MATN2: variants seen among roughly 807,000 people sequenced by gnomAD.
MATN2 encodes the protein matrilin-2.
A neutral mutation model predicts 103.2 loss-of-function variants in MATN2; 69 were observed. The ratio of observed to expected loss-of-function variants is 0.67; its 90% CI spans 0.55 to 0.82. MATN2 has a LOEUF of 0.82. Ranked by LOEUF, MATN2 falls within the 40% of genes least tolerant of loss-of-function variation. MATN2 has a pLI of 0.00. For missense variants in MATN2, 1,023 were observed against 1,211.5 expected, an observed-to-expected ratio of 0.84 and a Z score of 2.31; for synonymous variants, 429 against 450.2, an observed-to-expected ratio of 0.95 and a Z score of 0.60.
At chr8:97,927,104 G>A (rs1216406721) in intron 2 of MATN2, among the ~76,000 whole-genome samples, 1 of 151,030 alleles carries the variant, frequency 6.6e-6, no homozygotes, top group Non-Finnish European at 1.5e-5. Context: ...GTGGTGCACT[G>A]GTCTTAGTTT....
chr8:97,978,964 G>A lies in MATN2; in HGVS notation c.1037G>A (p.Cys346Tyr). Reference sequence around the variant, plus strand: ...GCTGATGGCTCCTACCTTTGCCAGTGCCATGAAGGATTTGCTCTTAACCCA... The same window carrying A: ...GCTGATGGCTCCTACCTTTGCCAGTACCATGAAGGATTTGCTCTTAACCCA... The part of the protein sequence containing the change: ...VNADGSYLCQ[C>Y]HEGFALNPDK... Residue 346 changes from cysteine to tyrosine, a missense_variant, in exon 6 of 19, where the codon TGC becomes TAC. Transcript: ENST00000254898. 6.2e-7 allele frequency: 1 copy of A among 1,613,516 alleles called. No individual in the cohort carries two copies. Among genetic ancestry groups the A allele is most frequent in the Non-Finnish European group, 8.5e-7 (1 of 1,179,626 alleles).
chr8:97,944,584 C>A lies in MATN2; in HGVS notation c.835+2685C>A, dbSNP rs148108722. On this transcript the variant is annotated intron_variant, in intron 4 of 18. Coordinates refer to ENST00000254898, the MANE Select transcript of MATN2 (RefSeq NM_002380.5). ...CCAACTATGGCTGTCTCACTCTGAG[C>A]TGGTTATTTAAACTTCTTGACTCTC... Among the ~76,000 whole-genome samples, 1,259 of 152,316 alleles carry A rather than the reference C, an allele frequency of 8.3e-3. 9 individuals are homozygous for A. Among genetic ancestry groups the A allele is most frequent in the Admixed American group, 0.015 (230 of 15,298 alleles).
At chr8:97,940,937 T>G (rs1179359674) in intron 3 of MATN2, among the ~76,000 whole-genome samples, 1 of 151,672 alleles carries the variant, frequency 6.6e-6, no homozygotes, top group Non-Finnish European at 1.5e-5. Flanking sequence ...ACTGGGAGGA[T>G]TGCTTGAGCC....
chr8:97,887,949 C>A (rs540698859), intron 1 of MATN2, 126 bp from the exon 2 acceptor site: 2 of 843,500 alleles, frequency 2.4e-6, no homozygotes, highest in Non-Finnish European at 3.5e-6. Flanking sequence ...AACACACAAA[C>A]GGCATTTTGA....
intron 2 of MATN2, among the ~76,000 whole-genome samples, chr8:97,893,678 G>C (rs1221756450): frequency 6.6e-6 from 1 of 152,084 alleles, no homozygotes; most frequent in East Asian, 1.9e-4. Flanking sequence ...CCAGGTTCAA[G>C]TGATTCTCCT....
At chr8:97,998,897 G>T (rs978038775) in intron 7 of MATN2, among the ~76,000 whole-genome samples, 2 of 152,008 alleles carry the variant, frequency 1.3e-5, no homozygotes, top group Non-Finnish European at 2.9e-5. Context: ...TAGTCCAGTG[G>T]TATTAAGCAC....
At chr8:98,013,230 C>T (rs1196542674) in intron 10 of MATN2, among the ~76,000 whole-genome samples, 1 of 152,212 alleles carries the variant, frequency 6.6e-6, no homozygotes, top group African/African-American at 2.4e-5. Flanking sequence ...TCTCTAATTT[C>T]CCATCCACGG....
intron 5 of MATN2, among the ~76,000 whole-genome samples, chr8:97,967,816 C>T (rs901086705): frequency 6.6e-6 from 1 of 152,248 alleles, no homozygotes; most frequent in Non-Finnish European, 1.5e-5. Flanking sequence ...TGGCCCCCTT[C>T]TCACAGCTCC....
rs181915642 is a variant in MATN2, at chr8:97,976,259, C to T, written c.959-2627C>T. ...GAGTAGCTGGGATTACAGGCACCTGCCACCATGCCCAGCTATTTTTTGTAT... is the reference window on the plus strand; with the variant it reads ...GAGTAGCTGGGATTACAGGCACCTGTCACCATGCCCAGCTATTTTTTGTAT... On this transcript the variant is annotated intron_variant, in intron 5 of 18. Transcript: ENST00000254898. 1.5e-3 allele frequency among the ~76,000 whole-genome samples: 226 copies of T among 152,124 alleles called. 1 individual carries two copies. Among genetic ancestry groups the T allele is most frequent in the African/African-American group, 5.2e-3 (217 of 41,510 alleles).
At chr8:97,912,288 T>C (rs1182507547) in intron 2 of MATN2, among the ~76,000 whole-genome samples, 1 of 152,220 alleles carries the variant, frequency 6.6e-6, no homozygotes, top group Non-Finnish European at 1.5e-5. Context: ...AGAAAGACTA[T>C]TTGCAGAAGA....
At chr8:98,001,499 C>T (rs1302636166) in intron 7 of MATN2, among the ~76,000 whole-genome samples, 2 of 137,456 alleles carry the variant, frequency 1.5e-5, no homozygotes, top group Non-Finnish European at 3.0e-5. Context: ...GAGTCTCACT[C>T]TGTTGCCCAG....
Position 97,978,771 on chromosome 8 carries a change from T to C in MATN2, c.959-115T>C, listed in dbSNP as rs943497080. The C allele has an allele frequency of 1.9e-4, 197 of 1,020,148 alleles. 2 individuals carry two copies. The highest frequency in any genetic ancestry group is 1.6e-3 in the South Asian group (113 of 71,534). The allele number at this position is 1,020,148 out of a possible 1,614,324, so 63.2% of individuals were successfully genotyped here. ...GTTCATAACTGTTTATCCTACTCTTTTGGGGGGCAATAATATTAATCCTAA... is the reference window on the plus strand; with the variant it reads ...GTTCATAACTGTTTATCCTACTCTTCTGGGGGGCAATAATATTAATCCTAA... On this transcript the variant is annotated intron_variant, in intron 5 of 18. Coordinates refer to ENST00000254898, the MANE Select transcript of MATN2 (RefSeq NM_002380.5).
Position 98,033,111 on chromosome 8 carries a change from A to G in MATN2, c.2651A>G (p.Tyr884Cys). ...TCTAATTTTGCAGTGCAACACAGATATCTGTTTGAAGAAGACAATCTTTTA... is the reference window on the plus strand; with the variant it reads ...TCTAATTTTGCAGTGCAACACAGATGTCTGTTTGAAGAAGACAATCTTTTA... ...SCSNFAVQHR[Y>C]LFEEDNLLRS... The change falls in exon 17 of 19, where the codon TAT becomes TGT. Residue 884 changes from tyrosine to cysteine, a missense_variant. Transcript: ENST00000254898. 6.2e-7 allele frequency: 1 copy of G among 1,611,708 alleles called. No individual in the cohort carries two copies. Among genetic ancestry groups the G allele is most frequent in the Non-Finnish European group, 8.5e-7 (1 of 1,178,808 alleles).
chr8:98,030,749 G>A (rs1813985522), intron 15 of MATN2, 135 bp downstream of exon 15: 15 of 764,850 alleles, frequency 2.0e-5, no homozygotes, highest in Non-Finnish European at 3.0e-5. Context: ...TACAACCTCC[G>A]CCTCCTGGGT....
chr8:97,994,029 T>TAGA, intron 6 of MATN2, among the ~76,000 whole-genome samples: 1 of 74,546 alleles, frequency 1.3e-5, no homozygotes, highest in East Asian at 3.2e-4. Flanking sequence ...ATAATAATAA[T>TAGA]AGAAGAAGAA....
Position 98,035,765 on chromosome 8 carries a change from C to T in MATN2, c.*53C>T, listed in dbSNP as rs375294399. The T allele has an allele frequency of 1.3e-4, 150 of 1,191,762 alleles. No individual in the cohort carries two copies. The African/African-American group carries it at 1.9e-3, about 15-fold the overall frequency. The allele number at this position is 1,191,762 out of a possible 1,614,324, so 73.8% of individuals were successfully genotyped here. ...TCATTGTATCACGGATTACAATGAA[C>T]GCAGTGCAGAGCCCCAAAGCTCAGG... On this transcript the variant is annotated 3_prime_UTR_variant, in exon 19 of 19. Transcript: ENST00000254898.
At chr8:97,955,657 A>G (rs1277728139) in intron 4 of MATN2, among the ~76,000 whole-genome samples, 1 of 152,214 alleles carries the variant, frequency 6.6e-6, no homozygotes, top group African/African-American at 2.4e-5. Context: ...TGTGAAGTGC[A>G]TGGCATTATA....
chr8:98,015,854 C>T (rs1813341136), intron 10 of MATN2, among the ~76,000 whole-genome samples: 1 of 152,180 alleles, frequency 6.6e-6, no homozygotes, highest in African/African-American at 2.4e-5. Flanking sequence ...GTGCCTGGCT[C>T]ATTGCAGGGA....
At chr8:98,015,190 A>T (rs1269321717) in intron 10 of MATN2, among the ~76,000 whole-genome samples, 1 of 152,062 alleles carries the variant, frequency 6.6e-6, no homozygotes, top group Admixed American at 6.6e-5. Flanking sequence ...AATTTTATAG[A>T]TTCTACCTTA....
Sources: gnomAD v4.1 joint callset for allele counts (sites outside exome capture counted in the v4.1 genomes callset) on GRCh38, gnomAD v4.1.1 for gene constraint, MANE v1.5 for transcripts, NCBI Gene and HGNC (gene_info 2026-07-23, HGNC 2026-07-21) for gene names.